TRAPPC14: variants seen among roughly 807,000 people sequenced by gnomAD.
The protein encoded by TRAPPC14 is trafficking protein particle complex subunit 14, also known as microtubule associated protein 11.
TRAPPC14 carries 24 observed loss-of-function variants against 56.6 expected under a neutral mutation model. The ratio of observed to expected loss-of-function variants is 0.42; its 90% CI spans 0.31 to 0.60. TRAPPC14 has a LOEUF of 0.60. Among genes scored for constraint, TRAPPC14 ranks in the 20% least tolerant of loss-of-function variants. TRAPPC14 has a pLI of 0.14. For missense variants in TRAPPC14, 615 were observed against 790.3 expected (o/e 0.78, Z 2.66); for synonymous variants, 377 against 347.0 (o/e 1.09, Z -0.96).
At chr7:100,155,898 T>C (rs774554749) in intron 8 of TRAPPC14, 73 bp from the exon 9 acceptor site, 1 of 1,582,584 alleles carries the variant, frequency 6.3e-7, no homozygotes, top group Non-Finnish European at 8.7e-7. Flanking sequence ...CAGCACAGTC[T>C]CATCTGATTC....
Position 100,157,402 on chromosome 7 carries a change from A to G in TRAPPC14, c.695T>C (p.Val232Ala). 1 of 1,614,134 alleles carries G rather than the reference A, an allele frequency of 6.2e-7. No homozygotes were observed. Among genetic ancestry groups the G allele is most frequent in the African/African-American group, 1.3e-5 (1 of 75,048 alleles). Residue 232 changes from valine (V) to alanine (A), a missense_variant, in exon 4 of 11, where the codon GTG (valine) becomes GCG (alanine). Transcript: ENST00000316937. ...PPVLRCRQFT[V>A]AGKHLTVLKV... ...GAGCACGGTCAAGTGTTTTCCAGCC[A>G]CAGTGAACTGCCGGCATCTCAGAAC...
Position 100,155,022 on chromosome 7 carries a change from G to A in TRAPPC14, c.1732C>T (p.Pro578Ser), listed in dbSNP as rs150934063. The A allele has an allele frequency of 4.0e-5, 65 of 1,614,114 alleles. No homozygotes were observed. In the East Asian group the frequency reaches 1.0e-3, roughly 26 times the overall value. The change falls in exon 11 of 11, where the codon CCC (proline) becomes TCC (serine). Residue 578 changes from proline (P) to serine (S), a missense_variant. Physicochemically the swap from Pro to Ser is moderately conservative, Grantham distance 74 (BLOSUM62 -1). Transcript: ENST00000316937. The part of the protein sequence containing the change: ...KRECKVLVVE[P>S]VK ...GAGCTGGCACGGTGCTACTTGACGG[G>A]TTCCACCACCAGGACCTTGCACTCG...
Position 100,155,094 on chromosome 7 carries a change from G to C in TRAPPC14, c.1660C>G (p.Leu554Val), listed in dbSNP as rs753695339. The C allele has an allele frequency of 1.9e-6, 3 of 1,613,916 alleles. No homozygotes were observed. In the South Asian group the frequency reaches 3.3e-5, roughly 18 times the overall value. The change falls in exon 11 of 11, where the codon CTG becomes GTG. Residue 554 changes from leucine (L) to valine (V), a missense_variant. Coordinates refer to ENST00000316937, the MANE Select transcript of TRAPPC14 (RefSeq NM_018275.5). ...GACAACACAGCCTTGTCCGGGGGCA[G>C]GTAGAGGGGGCGGCCAACAGGAGAG... is the stretch of plus-strand genomic sequence containing the variant. The part of the protein sequence containing the change: ...VASPVGRPLY[L>V]PPDKAVLSLD...
chr7:100,158,517 G>A lies in TRAPPC14; in HGVS notation c.-18C>T. 7.6e-7 allele frequency: 1 copy of A among 1,308,738 alleles called. No homozygotes were observed. Among genetic ancestry groups the A allele is most frequent in the Non-Finnish European group, 9.7e-7 (1 of 1,030,600 alleles). 81.1% of individuals were successfully genotyped at this position (1,308,738 alleles called of 1,614,324 possible). On this transcript the variant is annotated 5_prime_UTR_variant, in exon 1 of 11. Coordinates refer to ENST00000316937, the MANE Select transcript of TRAPPC14 (RefSeq NM_018275.5). ...GACTCCATGGGGCGGCGAGGACGGC[G>A]CGACTGGGAGCCCGGACCGGAGGCC... is the stretch of plus-strand genomic sequence containing the variant.
chr7:100,155,770 G>C lies in TRAPPC14; in HGVS notation c.1296C>G (p.Val432=), dbSNP rs538966485. 5.0e-6 allele frequency: 8 copies of C among 1,614,196 alleles called. No individual in the cohort carries two copies. The East Asian group carries it at 1.8e-4, about 36-fold the overall frequency. The change falls in exon 9 of 11, where the codon GTC becomes GTG. Residue 432 remains valine, a synonymous_variant. Transcript: ENST00000316937. The part of the protein sequence containing the change: ...RRAMQAALDS[V]VCHTPLNNLG... ...GGTTGTTGAGGGGCGTGTGGCAGAC[G>C]ACGGAGTCCAGGGCAGCCTGCATGG... is the stretch of plus-strand genomic sequence containing the variant.
intron 6 of TRAPPC14, 40 bp downstream of exon 6, chr7:100,156,805 T>G: frequency 6.2e-7 from 1 of 1,609,786 alleles, no homozygotes; most frequent in East Asian, 2.2e-5. Context: ...TCCCACTGCC[T>G]TATCACTTTT....
chr7:100,155,284 G>T lies in TRAPPC14; in HGVS notation c.1567C>A (p.Pro523Thr), dbSNP rs1447718183. 1 of 1,564,000 alleles carries T rather than the reference G, an allele frequency of 6.4e-7. No homozygotes were observed. Among genetic ancestry groups the T allele is most frequent in the Middle Eastern group, 1.7e-4 (1 of 5,996 alleles). Residue 523 changes from proline to threonine, a missense_variant, in exon 10 of 11, where the codon CCT (proline) becomes ACT (threonine). By Grantham distance (38) the Pro-to-Thr change is conservative. Coordinates refer to ENST00000316937, the MANE Select transcript of TRAPPC14 (RefSeq NM_018275.5). ...TACCTCATGAGGTGGCTTCGGGAAG[G>T]CTGCTGGTGGGAGAAGGACTGGGAG... ...GRSQSFSHQQ[P>T]SRSHLMRSGS...
Position 100,158,395 on chromosome 7 carries a change from G to C in TRAPPC14, c.105C>G (p.Arg35=). 2.0e-6 allele frequency: 3 copies of C among 1,467,634 alleles called. No individual in the cohort carries two copies. The highest frequency in any genetic ancestry group is 1.7e-4 in the Middle Eastern group (1 of 5,768). 90.9% of individuals were successfully genotyped at this position (1,467,634 alleles called of 1,614,324 possible). ...CAGTCTCCCCCAAGTACAGATGGTT[G>C]CGCCGGGGCAGCGCCCGGTACCGGC... ...DPGRYRALPR[R]NHLYLGETVR... is the part of the protein sequence containing the mutation. The change falls in exon 1 of 11, where the codon CGC becomes CGG. Residue 35 remains arginine (R), a synonymous_variant. Coordinates refer to ENST00000316937, the MANE Select transcript of TRAPPC14 (RefSeq NM_018275.5).
In TRAPPC14 at chr7:100,155,106, G is replaced by A. The variant is rs764935471; in HGVS notation, c.1648C>T (p.Arg550Cys). The A allele has an allele frequency of 5.0e-6, 8 of 1,613,846 alleles. No individual in the cohort carries two copies. Among genetic ancestry groups the A allele is most frequent in the South Asian group, 1.1e-5 (1 of 91,068 alleles). Residue 550 changes from arginine (R) to cysteine (C), a missense_variant, in exon 11 of 11, where the codon CGC (arginine) becomes TGC (cysteine). Physicochemically the swap from Arg to Cys is radical, Grantham distance 180. Coordinates refer to ENST00000316937, the MANE Select transcript of TRAPPC14 (RefSeq NM_018275.5). ...TTGTCCGGGGGCAGGTAGAGGGGGC[G>A]GCCAACAGGAGAGGCCACAGGGGGC... ...ITPPVASPVG[R>C]PLYLPPDKAV...
In TRAPPC14 at chr7:100,158,066, C is replaced by T. The variant is rs1445927571; in HGVS notation, c.411+23G>A. The T allele has an allele frequency of 7.7e-6, 11 of 1,437,542 alleles. No homozygotes were observed. The Admixed American group carries it at 3.0e-4, about 39-fold the overall frequency. 89.0% of individuals were successfully genotyped at this position (1,437,542 alleles called of 1,614,324 possible). A position where few individuals can be genotyped will look rare whatever the true frequency, so the allele number is the denominator to read the frequency against. On this transcript the variant is annotated intron_variant, in intron 1 of 10. Coordinates refer to ENST00000316937, the MANE Select transcript of TRAPPC14 (RefSeq NM_018275.5). Reference sequence around the variant, plus strand: ...CAGCAAACCGCCCCTCCGTCCTGTGCCAGGTCCCCCAAAGCTCCTCACCGT... The same window carrying T: ...CAGCAAACCGCCCCTCCGTCCTGTGTCAGGTCCCCCAAAGCTCCTCACCGT...
chr7:100,157,871 C>T lies in TRAPPC14; in HGVS notation c.479G>A (p.Arg160Lys), dbSNP rs1185211421. 6.3e-7 allele frequency: 1 copy of T among 1,579,908 alleles called. No homozygotes were observed. Among genetic ancestry groups the T allele is most frequent in the Admixed American group, 1.7e-5 (1 of 57,386 alleles). ...GGCCTTAGGTGTCCCTGGGGGCAGT[C>T]TATCCAGTGAAACGGTGAGTGGGAA... ...VIFPLTVSLD[R>K]LPPGTPKAKI... is the part of the protein sequence containing the mutation. The change falls in exon 2 of 11, where the codon AGA becomes AAA. Residue 160 changes from arginine (R) to lysine (K), a missense_variant. Transcript: ENST00000316937.
chr7:100,155,495 A>G, intron 9 of TRAPPC14, 40 bp from the exon 10 acceptor site: 1 of 1,518,002 alleles, frequency 6.6e-7, no homozygotes, highest in Non-Finnish European at 8.8e-7. Context: ...CTCGGCTTCC[A>G]GGACCCAGGC....
chr7:100,155,223 C>T (rs754404432), intron 10 of TRAPPC14, 39 bp downstream of exon 10: 9 of 1,598,400 alleles, frequency 5.6e-6, no homozygotes, highest in Non-Finnish European at 7.7e-6. Context: ...CTGCTCCCAT[C>T]CTCTACCCGG....
chr7:100,158,162 C>G lies in TRAPPC14; in HGVS notation c.338G>C (p.Gly113Ala). 1 of 1,459,412 alleles carries G rather than the reference C, an allele frequency of 6.9e-7. No homozygotes were observed. 90.4% of individuals were successfully genotyped at this position (1,459,412 alleles called of 1,614,324 possible). ...GGGGCTGCAGCCTCGGAACAAACCC[C>G]CACCCCCAGGATCCCCTCCCCCTGG... Reference protein sequence around the residue: ...EPPGGGDPGGGGLFRGCSPLL... With the variant: ...EPPGGGDPGGAGLFRGCSPLL... Residue 113 changes from glycine to alanine, a missense_variant, in exon 1 of 11, where the codon GGG (glycine) becomes GCG (alanine). Transcript: ENST00000316937.
Position 100,155,129 on chromosome 7 carries a change from G to A in TRAPPC14, c.1625C>T (p.Pro542Leu). 6.2e-7 allele frequency: 1 copy of A among 1,613,368 alleles called. No individual in the cohort carries two copies. Among genetic ancestry groups the A allele is most frequent in the Non-Finnish European group, 8.5e-7 (1 of 1,179,638 alleles). ...GCGGCCAACAGGAGAGGCCACAGGG[G>A]GCGTGATGGCTCTGCGCTCCATCAC... ...GSVMERRAITPPVASPVGRPL... is the reference protein window; with the variant it reads ...GSVMERRAITLPVASPVGRPL... The change falls in exon 11 of 11, where the codon CCC becomes CTC. Residue 542 changes from proline (P) to leucine (L), a missense_variant. Physicochemically the swap from Pro to Leu is moderately conservative, Grantham distance 98. Transcript: ENST00000316937.
At position 100,155,794 on chromosome 7, in the gene TRAPPC14, G is replaced by A. The variant is rs749333361; in HGVS notation, c.1272C>T (p.Ala424=). The change falls in exon 9 of 11, where the codon GCC becomes GCT. Residue 424 remains alanine, a synonymous_variant. Coordinates refer to ENST00000316937, the MANE Select transcript of TRAPPC14 (RefSeq NM_018275.5). The stretch of plus-strand genomic sequence containing the variant: ...CGACGGAGTCCAGGGCAGCCTGCAT[G>A]GCCCGGCGCTCCTCCTCACACAGCT... The part of the protein sequence containing the change: ...GKQLCEEERR[A]MQAALDSVVC... The A allele has an allele frequency of 6.2e-7, 1 of 1,614,224 alleles. No individual in the cohort carries two copies. The highest frequency in any genetic ancestry group is 1.1e-5 in the South Asian group (1 of 91,090).
Position 100,157,838 on chromosome 7 carries a change from C to T in TRAPPC14, c.507+5G>A. ...GGACAATAGCTCCACTCTTGCTCAT[C>T]TTACCTTGGCCTTAGGTGTCCCTGG... On this transcript the variant is annotated splice_donor_5th_base_variant and intron_variant, in intron 2 of 10. Transcript: ENST00000316937. The T allele has an allele frequency of 3.1e-6, 5 of 1,607,056 alleles. No individual in the cohort carries two copies. Among genetic ancestry groups the T allele is most frequent in the Non-Finnish European group, 4.3e-6 (5 of 1,175,438 alleles).
intron 10 of TRAPPC14, 26 bp downstream of exon 10, chr7:100,155,236 C>T (rs1427217280): frequency 1.3e-6 from 2 of 1,586,646 alleles, no homozygotes; most frequent in African/African-American, 1.3e-5. Flanking sequence ...CTACCCGGTC[C>T]CATGCCACGC....
rs1471400432 is a variant in TRAPPC14 at position 100,158,534 on chromosome 7, C to G, written c.-35G>C. 3.8e-6 allele frequency: 5 copies of G among 1,302,626 alleles called. No individual in the cohort carries two copies. In the Admixed American group the frequency reaches 2.1e-4, roughly 54 times the overall value. 80.7% of individuals were successfully genotyped at this position (1,302,626 alleles called of 1,614,324 possible). On this transcript the variant is annotated 5_prime_UTR_variant, in exon 1 of 11. Coordinates refer to ENST00000316937, the MANE Select transcript of TRAPPC14 (RefSeq NM_018275.5). ...AGGACGGCGCGACTGGGAGCCCGGA[C>G]CGGAGGCCGACCGCCGGCGGGGCCC...
Sources: allele counts gnomAD v4.1 joint callset, GRCh38; gene constraint gnomAD v4.1.1; transcripts MANE v1.5; gene names NCBI Gene and HGNC (gene_info 2026-07-23, HGNC 2026-07-21).